RPS6KC1: variants seen among roughly 807,000 people sequenced by gnomAD.
RPS6KC1 encodes ribosomal protein S6 kinase C1, also known as inactive ribosomal protein S6 kinase delta-1.
In RPS6KC1, 54 loss-of-function variants were observed where a neutral mutation model predicts 103.8. That is an observed-to-expected ratio of 0.52 (90% CI 0.42 to 0.65). The LOEUF is 0.65. Among genes scored for constraint, RPS6KC1 ranks in the 30% least tolerant of loss-of-function variants. The pLI is 0.00. For missense variants in RPS6KC1, 1,151 were observed against 1,253.8 expected, an observed-to-expected ratio of 0.92 and a Z score of 1.24; for synonymous variants, 439 against 438.7, an observed-to-expected ratio of 1.00 and a Z score of -0.01.
At chr1:213,856,936 A>G in the RPS6KC1 span, among the ~76,000 whole-genome samples, 1 of 152,210 alleles carries the variant, frequency 6.6e-6, no homozygotes, top group East Asian at 1.9e-4. Flanking sequence ...AAGCTAGCTC[A>G]TGAAGTTATT....
chr1:213,070,347 T>C (rs2078754853), intron 1 of RPS6KC1, among the ~76,000 whole-genome samples: 1 of 152,250 alleles, frequency 6.6e-6, no homozygotes, highest in African/African-American at 2.4e-5. Context: ...AAAGGCCAGA[T>C]GCTTTTTCTT....
At chr1:213,436,856 A>G in the RPS6KC1 span, among the ~76,000 whole-genome samples, 1 of 152,036 alleles carries the variant, frequency 6.6e-6, no homozygotes, top group African/African-American at 2.4e-5. Context: ...TATATTGACC[A>G]TTTGTCAGTG....
intron 8 of RPS6KC1, among the ~76,000 whole-genome samples, chr1:213,195,968 T>A (rs879483196): frequency 2.6e-5 from 4 of 152,154 alleles, no homozygotes; most frequent in African/African-American, 7.2e-5. Context: ...TTTCATATAA[T>A]GACTTCTTTT....
chr1:213,719,893 T>A, the RPS6KC1 span, among the ~76,000 whole-genome samples: 1 of 152,260 alleles, frequency 6.6e-6, no homozygotes, highest in African/African-American at 2.4e-5. Context: ...GTGCCTACTT[T>A]ACGTGATATA....
At chr1:213,598,869 C>T in the RPS6KC1 span, among the ~76,000 whole-genome samples, 1 of 151,918 alleles carries the variant, frequency 6.6e-6, no homozygotes, top group African/African-American at 2.4e-5. Flanking sequence ...TGAGGTGAGC[C>T]GAGATTGTGC....
At chr1:213,176,039 T>C (rs6666504) in intron 7 of RPS6KC1, among the ~76,000 whole-genome samples, 6,030 of 152,266 alleles carry the variant, frequency 0.04, 348 homozygotes, top group African/African-American at 0.13. Flanking sequence ...GGGTTAAATA[T>C]AAGACTGGGA....
At chr1:213,532,776 C>T in the RPS6KC1 span, among the ~76,000 whole-genome samples, 46 of 152,302 alleles carry the variant, frequency 3.0e-4, no homozygotes, top group South Asian at 7.5e-3. Flanking sequence ...CAAGCAACTG[C>T]GTCATGGATT....
intron 8 of RPS6KC1, among the ~76,000 whole-genome samples, chr1:213,225,549 C>T (rs1005859143): frequency 1.4e-4 from 22 of 152,018 alleles, no homozygotes; most frequent in African/African-American, 2.9e-4. Flanking sequence ...CCACCATGCC[C>T]GGCTAATTTT....
chr1:213,726,306 C>G, the RPS6KC1 span, among the ~76,000 whole-genome samples: 1 of 152,080 alleles, frequency 6.6e-6, no homozygotes, highest in Non-Finnish European at 1.5e-5. Context: ...AATTTCTGAC[C>G]CCAAACAACC....
intron 3 of RPS6KC1, among the ~76,000 whole-genome samples, chr1:213,083,431 G>T (rs1372263389): frequency 1.3e-5 from 2 of 152,170 alleles, no homozygotes; most frequent in Non-Finnish European, 2.9e-5. Context: ...TTTTGTACAG[G>T]AATGTCTATA....
Position 213,241,698 on chromosome 1 carries a change from G to T in RPS6KC1, c.2222G>T (p.Cys741Phe). 5.6e-6 allele frequency: 9 copies of T among 1,613,892 alleles called. No individual in the cohort carries two copies. Among genetic ancestry groups the T allele is most frequent in the Non-Finnish European group, 7.6e-6 (9 of 1,179,940 alleles). The change falls in exon 11 of 15, where the codon TGC (cysteine) becomes TTC (phenylalanine). Residue 741 changes from cysteine (C) to phenylalanine (F), a missense_variant. Physicochemically the swap from Cys to Phe is radical, Grantham distance 205 (BLOSUM62 -2). Transcript: ENST00000366960. Reference protein sequence around the residue: ...VLCLRLSTEQCQAHEEKGIEE... With the variant: ...VLCLRLSTEQFQAHEEKGIEE... Reference sequence around the variant, plus strand: ...TGCCTCAGGCTTAGTACTGAACAATGCCAAGCACATGAGGAGAAAGGCATA... The same window carrying T: ...TGCCTCAGGCTTAGTACTGAACAATTCCAAGCACATGAGGAGAAAGGCATA...
the RPS6KC1 span, among the ~76,000 whole-genome samples, chr1:213,526,920 C>G: frequency 6.6e-6 from 1 of 152,176 alleles, no homozygotes; most frequent in East Asian, 1.9e-4. Flanking sequence ...TTTAGACTAG[C>G]AATCCTTCCA....
At chr1:213,749,057 C>T in the RPS6KC1 span, among the ~76,000 whole-genome samples, 5 of 152,220 alleles carry the variant, frequency 3.3e-5, no homozygotes, top group African/African-American at 1.2e-4. Context: ...AGTCCCTCCT[C>T]CTCTTCCTGG....
chr1:213,246,382 G>A (rs1573572609), intron 12 of RPS6KC1, among the ~76,000 whole-genome samples: 1 of 152,138 alleles, frequency 6.6e-6, no homozygotes, highest in East Asian at 1.9e-4. Flanking sequence ...ACACTGTCTG[G>A]TTTCCACATT....
chr1:213,117,613 CT>C (rs201514398), intron 5 of RPS6KC1, among the ~76,000 whole-genome samples: 34 of 146,876 alleles, frequency 2.3e-4, no homozygotes, highest in South Asian at 4.3e-4. Flanking sequence ...TAATTGGCAG[CT>C]TTTTTTTTTC....
At chr1:213,371,727 A>G in the RPS6KC1 span, among the ~76,000 whole-genome samples, 4 of 151,990 alleles carry the variant, frequency 2.6e-5, no homozygotes, top group African/African-American at 9.7e-5. Flanking sequence ...AAAATAAGAA[A>G]CCCTGCCACT....
the RPS6KC1 span, among the ~76,000 whole-genome samples, chr1:213,419,307 C>T: frequency 1.3e-5 from 2 of 152,178 alleles, no homozygotes; most frequent in African/African-American, 4.8e-5. Context: ...AAGGGGCTGC[C>T]ATTAGCTGGG....
the RPS6KC1 span, among the ~76,000 whole-genome samples, chr1:213,754,145 T>C: frequency 6.6e-6 from 1 of 152,240 alleles, no homozygotes; most frequent in Non-Finnish European, 1.5e-5. Context: ...ACCAGGTGGC[T>C]TAAACAATAC....
the RPS6KC1 span, among the ~76,000 whole-genome samples, chr1:213,363,806 CTTTCTTT>C: frequency 1.9e-5 from 1 of 52,628 alleles, no homozygotes; most frequent in Admixed American, 1.8e-4. Flanking sequence ...TTCTTTCTTT[CTTTCTTT>C]CTTCTCTCTT....
Sources: allele counts gnomAD v4.1 joint callset (sites outside exome capture counted in the v4.1 genomes callset), GRCh38; gene constraint gnomAD v4.1.1; transcripts MANE v1.5; gene names NCBI Gene and HGNC (gene_info 2026-07-23, HGNC 2026-07-21).